ADAMTS2: variants seen among roughly 807,000 people sequenced by gnomAD.
The protein encoded by ADAMTS2 is ADAM metallopeptidase with thrombospondin type 1 motif 2.
In ADAMTS2, 50 loss-of-function variants were observed where a neutral mutation model predicts 123.0. That is an observed-to-expected ratio of 0.41 (90% CI 0.32 to 0.51). ADAMTS2 has a LOEUF of 0.51. Among genes scored for constraint, ADAMTS2 ranks in the 20% least tolerant of loss-of-function variants. The pLI, the probability that ADAMTS2 is intolerant of heterozygous loss-of-function variation, is 0.35. For missense variants in ADAMTS2, 1,494 were observed against 1,705.2 expected (o/e 0.88, Z 2.18); for synonymous variants, 678 against 695.4 (o/e 0.98, Z 0.39).
At chr5:179,251,384 A>C (rs1304290254) in intron 3 of ADAMTS2, among the ~76,000 whole-genome samples, 1 of 152,124 alleles carries the variant, frequency 6.6e-6, no homozygotes, top group Non-Finnish European at 1.5e-5. Context: ...GCCACCAAAA[A>C]AGCAGGCCTC....
At chr5:179,216,323 G>A (rs1435051864) in intron 3 of ADAMTS2, among the ~76,000 whole-genome samples, 1 of 152,210 alleles carries the variant, frequency 6.6e-6, no homozygotes, top group African/African-American at 2.4e-5. Flanking sequence ...GGAGAGCCTG[G>A]CCTAGGTTCT....
At chr5:179,322,772 A>C (rs1248055346) in intron 2 of ADAMTS2, among the ~76,000 whole-genome samples, 1 of 152,236 alleles carries the variant, frequency 6.6e-6, no homozygotes, top group African/African-American at 2.4e-5. Context: ...GGACAGAAAG[A>C]GGCCTCTCTG....
intron 5 of ADAMTS2, among the ~76,000 whole-genome samples, chr5:179,176,979 C>G (rs949456706): frequency 1.6e-4 from 24 of 152,258 alleles, no homozygotes; most frequent in African/African-American, 5.8e-4. Flanking sequence ...CACTTCCTCC[C>G]GTTGCTTTTC....
At position 179,129,003 on chromosome 5, in the gene ADAMTS2, A is replaced by C. The variant is rs995305294; in HGVS notation, c.2458-885T>G. Among the ~76,000 whole-genome samples, 1 of 152,170 alleles carries C rather than the reference A, an allele frequency of 6.6e-6. No individual in the cohort carries two copies. The highest frequency in any genetic ancestry group is 2.4e-5 in the African/African-American group (1 of 41,454). ...GCAGAAACAAGCAGACAGCGTGCTG[A>C]GTTGCTCCCACCTCCGCTGGGAACA... is the stretch of plus-strand genomic sequence containing the variant. On this transcript the variant is annotated intron_variant, in intron 16 of 21. Coordinates refer to ENST00000251582, the MANE Select transcript of ADAMTS2 (RefSeq NM_014244.5). The surrounding 1 kb of genome is among the most constrained non-coding windows in gnomAD (Gnocchi z 4.1).
intron 3 of ADAMTS2, among the ~76,000 whole-genome samples, chr5:179,267,445 C>G (rs1766405131): frequency 1.3e-5 from 2 of 152,238 alleles, no homozygotes; most frequent in Admixed American, 1.3e-4. Flanking sequence ...CCGGCGGTGT[C>G]TGGGGTGGAG....
At chr5:179,325,511 C>T (rs1039797398) in intron 2 of ADAMTS2, among the ~76,000 whole-genome samples, 3 of 152,370 alleles carry the variant, frequency 2.0e-5, no homozygotes, top group Middle Eastern at 3.4e-3. Flanking sequence ...AGAGGACAGA[C>T]GCCAGCCCTG....
intron 21 of ADAMTS2, 119 bp downstream of exon 21, chr5:179,121,542 G>T: frequency 1.3e-6 from 1 of 777,228 alleles, no homozygotes; most frequent in Non-Finnish European, 2.0e-6. Flanking sequence ...ACCCCAGAGC[G>T]CGCCCGCAGA....
chr5:179,223,527 C>CACGCACTCACACACGA (rs1561814262), intron 3 of ADAMTS2, among the ~76,000 whole-genome samples: 1 of 146,962 alleles, frequency 6.8e-6, no homozygotes, highest in Non-Finnish European at 1.5e-5. Context: ...CACTCACACA[C>CACGCACTCACACACGA]ATGCACTCAC....
chr5:179,153,613 A>C lies in ADAMTS2; in HGVS notation c.1393T>G (p.Cys465Gly). The C allele has an allele frequency of 6.2e-7, 1 of 1,603,832 alleles. No homozygotes were observed. The highest frequency in any genetic ancestry group is 8.5e-7 in the Non-Finnish European group (1 of 1,179,572). Reference sequence around the variant, plus strand: ...TGGGCGAAGGGGTCATCCAGCAGGCAGTCATAGGAGCTGTGGGGGACACAC... The same window carrying C: ...TGGGCGAAGGGGTCATCCAGCAGGCCGTCATAGGAGCTGTGGGGGACACAC... ...ELSRYLHSYD[C>G]LLDDPFAHDW... The change falls in exon 9 of 22, where the codon TGC (cysteine) becomes GGC (glycine). Residue 465 changes from cysteine (C) to glycine (G), a missense_variant. Physicochemically the swap from Cys to Gly is radical, Grantham distance 159 (BLOSUM62 -3). This residue lies in a region of ADAMTS2 where 953 missense variants were observed against 1,124.7 expected (regional missense o/e 0.85). Coordinates refer to ENST00000251582, the MANE Select transcript of ADAMTS2 (RefSeq NM_014244.5).
chr5:179,224,634 G>A (rs1765233655), intron 3 of ADAMTS2, among the ~76,000 whole-genome samples: 1 of 152,222 alleles, frequency 6.6e-6, no homozygotes, highest in South Asian at 2.1e-4. Context: ...GCCCAAGGTG[G>A]CCAGTGGTGA....
intron 3 of ADAMTS2, among the ~76,000 whole-genome samples, chr5:179,216,957 C>T (rs1581197470): frequency 6.6e-6 from 1 of 152,226 alleles, no homozygotes; most frequent in African/African-American, 2.4e-5. Flanking sequence ...TACAGGATGT[C>T]TATCGGATAG....
intron 7 of ADAMTS2, 94 bp from the exon 8 acceptor site, chr5:179,154,286 C>G: frequency 6.6e-7 from 1 of 1,512,204 alleles, no homozygotes; most frequent in Non-Finnish European, 8.9e-7. Context: ...CCATCTTTCC[C>G]CAACGGGCCT....
chr5:179,189,103 A>C lies in ADAMTS2; in HGVS notation c.892-7948T>G, dbSNP rs564059391. Among the ~76,000 whole-genome samples the C allele has an allele frequency of 1.1e-4, 16 of 152,292 alleles. No individual in the cohort carries two copies. In the South Asian group the frequency reaches 3.1e-3, roughly 30 times the overall value. On this transcript the variant is annotated intron_variant, in intron 4 of 21. Transcript: ENST00000251582. This position sits in a 1 kb window ranked among gnomAD's most constrained non-coding sequence, Gnocchi z 4.2. ...CAGTTACTTAACCTGTCTGGGCCTCAGTTTCTTTATCTATAAAATGGAGAT... is the reference window on the plus strand; with the variant it reads ...CAGTTACTTAACCTGTCTGGGCCTCCGTTTCTTTATCTATAAAATGGAGAT...
At chr5:179,287,175 C>T (rs1004009653) in intron 2 of ADAMTS2, among the ~76,000 whole-genome samples, 1 of 152,102 alleles carries the variant, frequency 6.6e-6, no homozygotes, top group Non-Finnish European at 1.5e-5. Context: ...CTGGACAGGC[C>T]GGAAGGTCAA....
intron 10 of ADAMTS2, chr5:179,151,275 T>C (rs1257945967): frequency 1.9e-5 from 3 of 160,562 alleles, no homozygotes; most frequent in Non-Finnish European, 4.2e-5. Flanking sequence ...CAAAAACAAT[T>C]ATTGGATCCT....
intron 2 of ADAMTS2, among the ~76,000 whole-genome samples, chr5:179,318,925 C>T (rs1206405155): frequency 6.6e-6 from 1 of 152,228 alleles, no homozygotes; most frequent in Admixed American, 6.5e-5. Flanking sequence ...TTCCACCATG[C>T]ACTCTGGGCA....
chr5:179,113,744 G>A lies in ADAMTS2; in HGVS notation c.*123C>T. 9.8e-7 allele frequency: 1 copy of A among 1,015,410 alleles called. No individual in the cohort carries two copies. Among genetic ancestry groups the A allele is most frequent in the Non-Finnish European group, 1.5e-6 (1 of 658,804 alleles). 62.9% of individuals were successfully genotyped at this position (1,015,410 alleles called of 1,614,324 possible). A position where few individuals can be genotyped will look rare whatever the true frequency, so the allele number is the denominator to read the frequency against. On this transcript the variant is annotated 3_prime_UTR_variant, in exon 22 of 22. Transcript: ENST00000251582. Reference sequence around the variant, plus strand: ...CTTTCTTACGTCATTCCCCCTCTTTGTTTTCTCAAAACCTTTTGGAATCAG... The same window carrying A: ...CTTTCTTACGTCATTCCCCCTCTTTATTTTCTCAAAACCTTTTGGAATCAG...
intron 2 of ADAMTS2, among the ~76,000 whole-genome samples, chr5:179,288,733 G>A (rs181352253): frequency 1.4e-4 from 21 of 152,332 alleles, no homozygotes; most frequent in Admixed American, 9.8e-4. Flanking sequence ...AGGCTCAGGC[G>A]CACCTGCCCT....
chr5:179,301,907 G>C (rs563015260), intron 2 of ADAMTS2, among the ~76,000 whole-genome samples: 1 of 152,212 alleles, frequency 6.6e-6, no homozygotes, highest in Non-Finnish European at 1.5e-5. Context: ...TGCTGTGCCC[G>C]GGAGAGGAGC....
Sources: gnomAD v4.1 joint callset for allele counts (sites outside exome capture counted in the v4.1 genomes callset) on GRCh38, gnomAD v4.1.1 for gene constraint, gnomAD v4.1.1 regional missense constraint, Gnocchi (gnomAD v3.1) non-coding constraint, MANE v1.5 for transcripts, NCBI Gene and HGNC (gene_info 2026-07-23, HGNC 2026-07-21) for gene names.